LNX1: variants seen among roughly 807,000 people sequenced by gnomAD.
The protein encoded by LNX1 is E3 ubiquitin-protein ligase LNX.
Under a neutral mutation model 68.4 loss-of-function variants are expected in LNX1, and 54 were observed. That is an observed-to-expected ratio of 0.79 (90% confidence interval 0.63 to 0.99). LNX1 has a LOEUF of 0.99. Among genes scored for constraint, LNX1 ranks in the 50% least tolerant of loss-of-function variants. The probability of loss-of-function intolerance (pLI) is 0.00; values close to 1 mark genes in which losing one functional copy is unlikely to be tolerated. For missense variants in LNX1, 906 were observed against 926.4 expected (o/e 0.98, Z 0.29); for synonymous variants, 336 against 350.0 (o/e 0.96, Z 0.45).
intron 1 of LNX1, among the ~76,000 whole-genome samples, chr4:53,626,859 C>T (rs145852429): frequency 1.3e-5 from 2 of 152,264 alleles, no homozygotes; most frequent in East Asian, 1.9e-4. Context: ...AAAAACCACA[C>T]CATGCACCCA....
chr4:53,560,153 C>T (rs528602525), intron 2 of LNX1, among the ~76,000 whole-genome samples: 9 of 152,260 alleles, frequency 5.9e-5, no homozygotes, highest in Non-Finnish European at 1.0e-4. Context: ...TGGATGTCCA[C>T]GACCTCCTAT....
intron 8 of LNX1, 96 bp from the exon 9 acceptor site, chr4:53,477,077 G>T: frequency 9.4e-7 from 1 of 1,058,222 alleles, no homozygotes; most frequent in South Asian, 1.3e-5. Flanking sequence ...GGGATTGCAG[G>T]GATGCAGAGA....
chr4:53,496,275 A>G lies in LNX1; in HGVS notation c.1098T>C (p.Asn366=). 3.7e-6 allele frequency: 6 copies of G among 1,614,112 alleles called. No individual in the cohort carries two copies. The South Asian group carries it at 4.4e-5, about 12-fold the overall frequency. The change falls in exon 6 of 11, where the codon AAT becomes AAC. Residue 366 remains asparagine (N), a synonymous_variant. Transcript: ENST00000263925. ...MREQKFRSRN[N]GQAPDAYRPR... is the part of the protein sequence containing the mutation. ...GTCTGTAGGCATCCGGGGCCTGTCC[A>G]TTGTTCCTGCTGCGGAACTTCTGTT...
chr4:53,528,301 A>G (rs577459484), intron 2 of LNX1, among the ~76,000 whole-genome samples: 1 of 152,340 alleles, frequency 6.6e-6, no homozygotes, highest in East Asian at 1.9e-4. Flanking sequence ...TGCAGCTTCA[A>G]ACTATTAAGT....
rs1560635127 is a variant in LNX1 at position 53,508,183 on chromosome 4, C to T, written c.425G>A (p.Arg142Lys). The change falls in exon 3 of 11, where the codon AGG becomes AAG. Residue 142 changes from arginine to lysine, a missense_variant. Transcript: ENST00000263925. ...SHYGLTKDRK[R>K]RSQDGCPDGC... is the part of the protein sequence containing the mutation. Reference sequence around the variant, plus strand: ...GTCTGGACAGCCATCTTGTGAGCGCCTCTTCCTATCTTTGGTCAGGCCGTA... The same window carrying T: ...GTCTGGACAGCCATCTTGTGAGCGCTTCTTCCTATCTTTGGTCAGGCCGTA... The T allele has an allele frequency of 1.2e-6, 2 of 1,614,190 alleles. No individual in the cohort carries two copies. Among genetic ancestry groups the T allele is most frequent in the East Asian group, 2.2e-5 (1 of 44,880 alleles).
chr4:53,627,488 A>G (rs578152511), intron 1 of LNX1, among the ~76,000 whole-genome samples: 1 of 152,334 alleles, frequency 6.6e-6, no homozygotes, highest in South Asian at 2.1e-4. Context: ...ACTAATGGTG[A>G]GCTCTTATGT....
chr4:53,572,325 A>G (rs1292812676), intron 2 of LNX1, among the ~76,000 whole-genome samples: 1 of 152,212 alleles, frequency 6.6e-6, no homozygotes, highest in Non-Finnish European at 1.5e-5. Flanking sequence ...TAGTTTAAAC[A>G]CCAGCAATAA....
In LNX1 at chr4:53,507,346, T is replaced by C; in HGVS notation, c.746A>G (p.Glu249Gly). 1 of 1,614,192 alleles carries C rather than the reference T, an allele frequency of 6.2e-7. No individual in the cohort carries two copies. Among genetic ancestry groups the C allele is most frequent in the Non-Finnish European group, 8.5e-7 (1 of 1,180,030 alleles). The change falls in exon 4 of 11, where the codon GAA (glutamate) becomes GGA (glycine). Residue 249 changes from glutamate (E) to glycine (G), a missense_variant. By Grantham distance (98) the Glu-to-Gly change is moderately conservative. Transcript: ENST00000263925. ...AGGGGCAGTGGTGTTTTCAGAATTT[T>C]CCCTGCCCTGGTCGGCATGGTTGGC... ...AVANHADQGRENSENTTAPEV... is the reference protein window; with the variant it reads ...AVANHADQGRGNSENTTAPEV...
intron 2 of LNX1, among the ~76,000 whole-genome samples, chr4:53,564,471 C>T (rs913283201): frequency 3.7e-4 from 57 of 152,320 alleles, no homozygotes; most frequent in African/African-American, 1.4e-3. Context: ...ACTTTCTCCC[C>T]AGAGGATGAC....
Position 53,604,165 on chromosome 4 carries a change from G to T in LNX1, c.-215+12352C>A, listed in dbSNP as rs369210850. The T allele has an allele frequency of 2.4e-4, 37 of 152,176 alleles. 2 individuals carry two copies. Among genetic ancestry groups the T allele is most frequent in the Admixed American group, 1.8e-3 (28 of 15,296 alleles). 9.4% of individuals were successfully genotyped at this position (152,176 alleles called of 1,614,324 possible). Reference sequence around the variant, plus strand: ...GATGACAATTTGAAGTTGCCAAACTGCTGATTTTTGTTCTACCCTTCGTAG... The same window carrying T: ...GATGACAATTTGAAGTTGCCAAACTTCTGATTTTTGTTCTACCCTTCGTAG... On this transcript the variant is annotated intron_variant, in intron 2 of 3. Coordinates refer to the LNX1 transcript ENST00000504299.
intron 2 of LNX1, among the ~76,000 whole-genome samples, chr4:53,550,662 G>GA (rs1334409302): frequency 5.9e-5 from 9 of 152,274 alleles, no homozygotes; most frequent in South Asian, 2.1e-4. Context: ...ATTCACCCCA[G>GA]AAAAAATCCA....
At chr4:53,564,867 T>G (rs937691304) in intron 2 of LNX1, among the ~76,000 whole-genome samples, 31 of 152,150 alleles carry the variant, frequency 2.0e-4, no homozygotes, top group African/African-American at 7.5e-4. Flanking sequence ...TTCCCTTTCC[T>G]AATCAAAGAA....
intron 2 of LNX1, among the ~76,000 whole-genome samples, chr4:53,512,214 T>C (rs1242914722): frequency 1.1e-5 from 1 of 90,384 alleles, no homozygotes; most frequent in Non-Finnish European, 2.3e-5. Context: ...TGGCCCAGTG[T>C]CCCTGGAGAA....
intron 5 of LNX1, 193 bp from the exon 6 acceptor site, chr4:53,496,587 T>TG: frequency 1.7e-6 from 1 of 586,278 alleles, no homozygotes; most frequent in Non-Finnish European, 2.9e-6. Flanking sequence ...CTGCAGCACC[T>TG]CTCCAGGCCT....
At chr4:53,500,258 G>GT (rs1188812159) in intron 4 of LNX1, 344 of 148,788 alleles carry the variant, frequency 2.3e-3, no homozygotes, top group African/African-American at 4.5e-3. Flanking sequence ...GACTGGCATT[G>GT]TTTTTTTTTT....
intron 2 of LNX1, among the ~76,000 whole-genome samples, chr4:53,523,810 A>T (rs1256862331): frequency 6.6e-6 from 1 of 152,204 alleles, no homozygotes; most frequent in Non-Finnish European, 1.5e-5. Flanking sequence ...TACTTTGCTA[A>T]TTATCCTAAA....
At chr4:53,640,931 C>T (rs1182543012) in intron 1 of LNX1, among the ~76,000 whole-genome samples, 2 of 152,204 alleles carry the variant, frequency 1.3e-5, no homozygotes, top group Admixed American at 1.3e-4. Flanking sequence ...GTCGGCAGTC[C>T]TTCCGGGGCC....
At chr4:53,634,432 C>CG (rs1204152330) in intron 1 of LNX1, among the ~76,000 whole-genome samples, 1 of 151,956 alleles carries the variant, frequency 6.6e-6, no homozygotes, top group African/African-American at 2.4e-5. Context: ...TTAGTAGAGA[C>CG]GGGGTTTCAC....
intron 6 of LNX1, among the ~76,000 whole-genome samples, chr4:53,485,740 T>A (rs1724243948): frequency 6.6e-6 from 1 of 152,172 alleles, no homozygotes; most frequent in Non-Finnish European, 1.5e-5. Flanking sequence ...CAGAGAAACA[T>A]CCCCTAGCAC....
Sources: gnomAD v4.1 joint callset for allele counts (sites outside exome capture counted in the v4.1 genomes callset) on GRCh38, gnomAD v4.1.1 for gene constraint, MANE v1.5 for transcripts, NCBI Gene and HGNC (gene_info 2026-07-23, HGNC 2026-07-21) for gene names.